Variants in CCDC125 observed in about 807,000 individuals in gnomAD.
CCDC125 encodes the protein coiled-coil domain-containing protein 125.
In CCDC125, 43 loss-of-function variants were observed where a neutral mutation model predicts 57.4. The observed-to-expected ratio is 0.75, with a 90% CI of 0.59 to 0.97. The LOEUF (loss-of-function observed/expected upper bound fraction) is 0.97, where lower values mean the gene tolerates loss of function less well. Ranked by LOEUF, CCDC125 falls within the 50% of genes least tolerant of loss-of-function variation. The pLI is 0.00. For synonymous variants in CCDC125, 187 were observed against 195.2 expected (o/e 0.96, Z 0.35); for missense variants, 563 against 595.7 (o/e 0.95, Z 0.57).
At chr5:69,286,282 A>G (rs1229855811) in intron 10 of CCDC125, among the ~76,000 whole-genome samples, 12 of 135,102 alleles carry the variant, frequency 8.9e-5, no homozygotes, top group Non-Finnish European at 1.5e-5. Flanking sequence ...CCCAGGCTGG[A>G]GTGCAGTGGC....
At chr5:69,276,682 T>C (rs753887681), downstream of CCDC125, 16 of 1,612,128 alleles carry the variant, frequency 9.9e-6, no homozygotes, top group Non-Finnish European at 1.4e-5. Flanking sequence ...ACAGAGGCCT[T>C]AGAACAAGGT....
At chr5:69,302,837 A>G (rs1756713307) in intron 7 of CCDC125, among the ~76,000 whole-genome samples, 1 of 152,178 alleles carries the variant, frequency 6.6e-6, no homozygotes, top group Admixed American at 6.6e-5. Context: ...ACACATATAT[A>G]TCATTTCTAC....
At chr5:69,326,330 A>G (rs1760732307) in intron 1 of CCDC125, among the ~76,000 whole-genome samples, 1 of 152,208 alleles carries the variant, frequency 6.6e-6, no homozygotes, top group Non-Finnish European at 1.5e-5. Context: ...TTCTGGATCC[A>G]CTTTTTCCCA....
chr5:69,302,684 C>T (rs1262445823), intron 7 of CCDC125, among the ~76,000 whole-genome samples: 1 of 151,222 alleles, frequency 6.6e-6, no homozygotes, highest in Non-Finnish European at 1.5e-5. Context: ...AAGATTGCAC[C>T]ACTGCACTCC....
At chr5:69,307,034 C>T in intron 5 of CCDC125, 132 bp from the exon 6 acceptor site, 1 of 1,064,720 alleles carries the variant, frequency 9.4e-7, no homozygotes, top group Non-Finnish European at 1.2e-6. Context: ...AATTATTGCT[C>T]TAAAAGTATC....
At chr5:69,279,782 C>CT (rs1554068472), downstream of CCDC125, among the ~76,000 whole-genome samples, 9 of 152,146 alleles carry the variant, frequency 5.9e-5, no homozygotes, top group Admixed American at 5.9e-4. Flanking sequence ...CAAAATGTGT[C>CT]TAACACGTGA....
intron 3 of CCDC125, 118 bp downstream of exon 3, chr5:69,313,867 G>A (rs1758563881): frequency 1.1e-6 from 1 of 878,496 alleles, no homozygotes; most frequent in Non-Finnish European, 2.0e-6. Context: ...CCACAACAGA[G>A]GCCATGTTTC....
intron 11 of CCDC125, among the ~76,000 whole-genome samples, chr5:69,283,387 T>G (rs1752747508): frequency 6.6e-6 from 1 of 151,778 alleles, no homozygotes; most frequent in Non-Finnish European, 1.5e-5. Context: ...ACCCAGCTAA[T>G]TTTTTGCATT....
chr5:69,302,785 TAGAC>T (rs1271004446), intron 7 of CCDC125, among the ~76,000 whole-genome samples: 4 of 152,028 alleles, frequency 2.6e-5, no homozygotes, highest in Non-Finnish European at 4.4e-5. Context: ...CATCGTAAGG[TAGAC>T]CATTATATAA....
chr5:69,330,297 G>C (rs76508693), intron 1 of CCDC125, among the ~76,000 whole-genome samples: 3 of 152,042 alleles, frequency 2.0e-5, no homozygotes, highest in Non-Finnish European at 4.4e-5. Flanking sequence ...AGCACATCTT[G>C]CTCAAAAACA....
rs144375504 is a variant in CCDC125 at position 69,285,175 on chromosome 5, A to T, written c.1230+162T>A. ...CTAATGATAGCTGATGAACTAAAAA[A>T]ATATATATATATATCAAAAAGATCT... On this transcript the variant is annotated intron_variant, in intron 11 of 11. Coordinates refer to ENST00000396496, the MANE Select transcript of CCDC125 (RefSeq NM_176816.5). Among the ~76,000 whole-genome samples, 492 of 151,870 alleles carry T rather than the reference A, an allele frequency of 3.2e-3. 4 individuals are homozygous for T. Among genetic ancestry groups the T allele is most frequent in the African/African-American group, 0.011 (451 of 41,468 alleles).
Position 69,292,362 on chromosome 5 carries a change from A to G in CCDC125, c.925T>C (p.Leu309=), listed in dbSNP as rs976309255. 6.2e-6 allele frequency: 10 copies of G among 1,609,840 alleles called. No individual in the cohort carries two copies. The highest frequency in any genetic ancestry group is 4.0e-5 in the African/African-American group (3 of 74,666). Residue 309 remains leucine (L), a splice_region_variant and synonymous_variant, in exon 10 of 12, where the codon TTG becomes CTG. Coordinates refer to ENST00000396496, the MANE Select transcript of CCDC125 (RefSeq NM_176816.5). The part of the protein sequence containing the change: ...RKLLLQLKQE[L]EILQKSKEEA... ...TCTTTACTCTTCTGCAAAATTTCCAACTGATTTTGAAAGACAGTTTGGGAG... is the reference window on the plus strand; with the variant it reads ...TCTTTACTCTTCTGCAAAATTTCCAGCTGATTTTGAAAGACAGTTTGGGAG...
chr5:69,307,745 C>A (rs1757561203), intron 5 of CCDC125: 1 of 526,144 alleles, frequency 1.9e-6, no homozygotes, highest in Non-Finnish European at 3.4e-6. Flanking sequence ...ACTACCTTAA[C>A]ATGGGGAAAT....
At chr5:69,328,369 A>C (rs1244140048) in intron 1 of CCDC125, among the ~76,000 whole-genome samples, 1 of 152,194 alleles carries the variant, frequency 6.6e-6, no homozygotes, top group Non-Finnish European at 1.5e-5. Context: ...AACTTTATAA[A>C]ATACTATGTA....
At chr5:69,324,631 A>T (rs1760489993) in intron 1 of CCDC125, among the ~76,000 whole-genome samples, 1 of 152,244 alleles carries the variant, frequency 6.6e-6, no homozygotes, top group South Asian at 2.1e-4. Flanking sequence ...TTTGTCAGTA[A>T]AGAACAACGC....
At chr5:69,318,350 G>A (rs1033595877) in intron 2 of CCDC125, among the ~76,000 whole-genome samples, 4 of 152,022 alleles carry the variant, frequency 2.6e-5, no homozygotes, top group African/African-American at 9.7e-5. Flanking sequence ...AGGAGACTGA[G>A]GCAAGAGGAT....
downstream of CCDC125, among the ~76,000 whole-genome samples, chr5:69,279,644 A>G (rs1031793392): frequency 6.6e-6 from 1 of 151,952 alleles, no homozygotes; most frequent in Non-Finnish European, 1.5e-5. Flanking sequence ...CAGTGCATCA[A>G]ACCCACTCGT....
intron 2 of CCDC125, among the ~76,000 whole-genome samples, chr5:69,318,933 G>T (rs907338253): frequency 2.0e-5 from 3 of 150,616 alleles, no homozygotes; most frequent in Non-Finnish European, 4.4e-5. Context: ...GCAGGGTTTT[G>T]GTTTTTTTTC....
chr5:69,307,982 T>G lies in CCDC125; in HGVS notation c.500A>C (p.Lys167Thr), dbSNP rs751242991. The change falls in exon 5 of 12, where the codon AAA becomes ACA. Residue 167 changes from lysine (K) to threonine (T), a missense_variant. Lys to Thr is a moderately conservative substitution (Grantham distance 78). Transcript: ENST00000396496. ...CAAGGATCTGTTTTGTTCCATAGTTTTTTGAAGCACTGCCTGCGTATGACT... is the reference window on the plus strand; with the variant it reads ...CAAGGATCTGTTTTGTTCCATAGTTGTTTGAAGCACTGCCTGCGTATGACT... ...ATSHTQAVLQ[K>T]TMEQNRSLEK... 1 of 1,614,106 alleles carries G rather than the reference T, an allele frequency of 6.2e-7. No homozygotes were observed. The highest frequency in any genetic ancestry group is 8.5e-7 in the Non-Finnish European group (1 of 1,179,976).
Sources: gnomAD v4.1 joint callset for allele counts (sites outside exome capture counted in the v4.1 genomes callset) on GRCh38, gnomAD v4.1.1 for gene constraint, MANE v1.5 for transcripts, NCBI Gene and HGNC (gene_info 2026-07-23, HGNC 2026-07-21) for gene names.